CNTN5: variants seen among roughly 807,000 people sequenced by gnomAD.
CNTN5 encodes contactin 5.
A neutral mutation model predicts 129.1 loss-of-function variants in CNTN5; 77 were observed. The ratio of observed to expected loss-of-function variants is 0.60; its 90% CI spans 0.50 to 0.72. The LOEUF is 0.72. Among genes scored for constraint, CNTN5 ranks in the 30% least tolerant of loss-of-function variants. CNTN5 has a pLI of 0.00. For synonymous variants in CNTN5, 509 were observed against 465.6 expected (o/e 1.09, Z -1.20); for missense variants, 1,478 against 1,328.8 (o/e 1.11, Z -1.75).
Position 100,037,883 on chromosome 11 carries a change from C to T in CNTN5, c.981-23329C>T, listed in dbSNP as rs1024254248. Among the ~76,000 whole-genome samples, 39 of 152,006 alleles carry T rather than the reference C, an allele frequency of 2.6e-4. 1 individual carries two copies. Among genetic ancestry groups the T allele is most frequent in the South Asian group, 8.3e-4 (4 of 4,802 alleles). On this transcript the variant is annotated intron_variant, in intron 9 of 24. Coordinates refer to ENST00000524871, the MANE Select transcript of CNTN5 (RefSeq NM_014361.4). ...TTTTTTTCTTTATTAGTCTTGCTGGCGGTCTATCAATTTTGTTGATCTTTT... is the reference window on the plus strand; with the variant it reads ...TTTTTTTCTTTATTAGTCTTGCTGGTGGTCTATCAATTTTGTTGATCTTTT...
intron 2 of CNTN5, among the ~76,000 whole-genome samples, chr11:99,348,654 G>A (rs2136075816): frequency 6.6e-6 from 1 of 152,276 alleles, no homozygotes; most frequent in South Asian, 2.1e-4. Context: ...TCTACCACCA[G>A]TTAGACATGG....
chr11:99,301,500 G>A (rs186102589), intron 1 of CNTN5, among the ~76,000 whole-genome samples: 265 of 151,734 alleles, frequency 1.7e-3, no homozygotes, highest in Non-Finnish European at 3.0e-3. Flanking sequence ...GACAAGAGGG[G>A]CATTGTATTA....
At chr11:99,055,843 G>A (rs901166516) in intron 1 of CNTN5, among the ~76,000 whole-genome samples, 9 of 151,962 alleles carry the variant, frequency 5.9e-5, no homozygotes, top group South Asian at 4.1e-4. Flanking sequence ...TGTTGGTTCT[G>A]AATGCATTTT....
chr11:99,858,723 C>T (rs930090551), intron 6 of CNTN5, among the ~76,000 whole-genome samples: 21 of 134,408 alleles, frequency 1.6e-4, no homozygotes, highest in African/African-American at 4.9e-4. Flanking sequence ...ATTGATTTAC[C>T]TCATTTTAGA....
chr11:99,704,975 T>A (rs1449578923), intron 3 of CNTN5, among the ~76,000 whole-genome samples: 2 of 151,444 alleles, frequency 1.3e-5, no homozygotes, highest in African/African-American at 4.8e-5. Flanking sequence ...CACAGTCATT[T>A]GGACTCCGTT....
intron 2 of CNTN5, among the ~76,000 whole-genome samples, chr11:99,464,819 A>T (rs538006439): frequency 4.6e-5 from 7 of 152,304 alleles, no homozygotes; most frequent in Middle Eastern, 3.4e-3. Context: ...TTACATAAAA[A>T]TAGTTTAATC....
At chr11:99,632,490 G>A (rs1170776195) in intron 3 of CNTN5, among the ~76,000 whole-genome samples, 1 of 151,994 alleles carries the variant, frequency 6.6e-6, no homozygotes, top group Non-Finnish European at 1.5e-5. Context: ...AGAAATCTAA[G>A]GGTTGTGTCT....
intron 3 of CNTN5, among the ~76,000 whole-genome samples, chr11:99,791,956 G>T (rs902884594): frequency 4.6e-5 from 7 of 152,074 alleles, no homozygotes; most frequent in Non-Finnish European, 7.4e-5. Flanking sequence ...CATTTAATTT[G>T]TATCCTGAAA....
At chr11:99,134,676 TATAGGTAA>T (rs148252003) in intron 1 of CNTN5, among the ~76,000 whole-genome samples, 1,568 of 152,216 alleles carry the variant, frequency 0.01, 13 homozygotes, top group Non-Finnish European at 0.016. Flanking sequence ...TTTGATGAGT[TATAGGTAA>T]ATTATGTGTC....
At chr11:99,348,379 A>C (rs977773055) in intron 2 of CNTN5, among the ~76,000 whole-genome samples, 1 of 152,220 alleles carries the variant, frequency 6.6e-6, no homozygotes, top group African/African-American at 2.4e-5. Flanking sequence ...GAAGTAATTC[A>C]AGTATGACTG....
At chr11:99,663,946 A>C (rs1477047724) in intron 3 of CNTN5, among the ~76,000 whole-genome samples, 1 of 152,188 alleles carries the variant, frequency 6.6e-6, no homozygotes, top group Non-Finnish European at 1.5e-5. Flanking sequence ...TTAATGGGGA[A>C]TTTTACATTT....
At chr11:100,154,757 A>G (rs1285813906) in intron 13 of CNTN5, among the ~76,000 whole-genome samples, 1 of 152,064 alleles carries the variant, frequency 6.6e-6, no homozygotes, top group Non-Finnish European at 1.5e-5. Flanking sequence ...TTTGATTTGT[A>G]TTTCCCTAAT....
chr11:99,457,731 A>T (rs959753160), intron 2 of CNTN5, among the ~76,000 whole-genome samples: 1 of 151,716 alleles, frequency 6.6e-6, no homozygotes, highest in Non-Finnish European at 1.5e-5. Context: ...ATTAAATTAG[A>T]TTGTTATATT....
At chr11:99,084,739 A>G (rs560279896) in intron 1 of CNTN5, among the ~76,000 whole-genome samples, 27 of 152,218 alleles carry the variant, frequency 1.8e-4, no homozygotes, top group Middle Eastern at 3.4e-3. Context: ...AAAGTGTGGG[A>G]AAAAAAGTGC....
chr11:100,231,070 A>G (rs1949476575), intron 16 of CNTN5, among the ~76,000 whole-genome samples: 2 of 152,160 alleles, frequency 1.3e-5, no homozygotes, highest in Admixed American at 1.3e-4. Flanking sequence ...AGTGCTTACC[A>G]CATGCCAGGA....
In CNTN5 at chr11:100,300,426, A is replaced by C. The variant is rs1009031430; in HGVS notation, c.2620+1030A>C. Among the ~76,000 whole-genome samples, 7 of 151,614 alleles carry C rather than the reference A, an allele frequency of 4.6e-5. No homozygotes were observed. The East Asian group carries it at 1.4e-3, about 30-fold the overall frequency. On this transcript the variant is annotated intron_variant, in intron 20 of 24. Transcript: ENST00000524871. ...TTACAAATGACTGAGAAAATGTTCT[A>C]CCAAAGGCAGCATTCACTTTCCCCA...
At chr11:99,773,931 C>G (rs1243121758) in intron 3 of CNTN5, among the ~76,000 whole-genome samples, 3 of 152,026 alleles carry the variant, frequency 2.0e-5, no homozygotes, top group Admixed American at 1.3e-4. Flanking sequence ...ACTATTGCAG[C>G]TTTTCATGCC....
chr11:99,950,966 C>A (rs1237778319), intron 7 of CNTN5, among the ~76,000 whole-genome samples: 1 of 152,126 alleles, frequency 6.6e-6, no homozygotes, highest in African/African-American at 2.4e-5. Flanking sequence ...GAGCCTCAGA[C>A]CTTTGATGTT....
chr11:99,562,734 G>A (rs1192107906), intron 3 of CNTN5, among the ~76,000 whole-genome samples: 13 of 152,058 alleles, frequency 8.5e-5, no homozygotes, highest in African/African-American at 1.4e-4. Flanking sequence ...ATATTTATTG[G>A]TAGAGGAAAT....
Sources: gnomAD v4.1 joint callset for allele counts (sites outside exome capture counted in the v4.1 genomes callset) on GRCh38, gnomAD v4.1.1 for gene constraint, MANE v1.5 for transcripts, NCBI Gene and HGNC (gene_info 2026-07-23, HGNC 2026-07-21) for gene names.